Variants in LRRC37A2 observed in about 807,000 individuals in gnomAD.
The protein encoded by LRRC37A2 is leucine rich repeat containing 37 member A2.
LRRC37A2 carries 9 observed loss-of-function variants against 68.8 expected under a neutral mutation model. The observed-to-expected ratio is 0.13, with a 90% CI of 0.08 to 0.23. The LOEUF is 0.23. Among genes scored for constraint, LRRC37A2 ranks in the 10% least tolerant of loss-of-function variants. LRRC37A2 has a pLI of 1.00. For synonymous variants in LRRC37A2, 63 were observed against 367.6 expected (o/e 0.17, Z 9.48); for missense variants, 168 against 950.4 (o/e 0.18, Z 10.82).
the LRRC37A2 span, chr17:46,851,502 G>A: frequency 2.3e-4 from 88 of 385,962 alleles, no homozygotes; most frequent in East Asian, 3.7e-3. The surrounding 1 kb of genome is among the most constrained non-coding windows in gnomAD (Gnocchi z 4.3). Context: ...CGGGGCTGGG[G>A]AGCCTCCCAA....
chr17:46,782,371 C>T, the LRRC37A2 span, among the ~76,000 whole-genome samples: 9 of 152,176 alleles, frequency 5.9e-5, no homozygotes, highest in African/African-American at 1.2e-4. Flanking sequence ...GTGGGGGCCA[C>T]GGTGCTCCTG....
chr17:46,726,424 G>A, the LRRC37A2 span: 1 of 846,784 alleles, frequency 1.2e-6, no homozygotes, highest in Non-Finnish European at 2.0e-6. Flanking sequence ...CTAATTTATT[G>A]TAGTCCAAAG....
the LRRC37A2 span, among the ~76,000 whole-genome samples, chr17:46,999,200 C>A: frequency 6.6e-6 from 1 of 152,228 alleles, no homozygotes; most frequent in Non-Finnish European, 1.5e-5. Context: ...AATCTGGATG[C>A]AAATCCTTGC....
At chr17:46,832,580 C>T in the LRRC37A2 span, among the ~76,000 whole-genome samples, 3 of 151,992 alleles carry the variant, frequency 2.0e-5, no homozygotes, top group East Asian at 5.8e-4. Flanking sequence ...GTGTGTAAGG[C>T]TAGCCTCTGC....
chr17:46,770,097 G>C, the LRRC37A2 span: 1 of 1,493,182 alleles, frequency 6.7e-7, no homozygotes, highest in Admixed American at 2.1e-5. Flanking sequence ...GCCTGGGAGC[G>C]CCTGCCCTGC....
the LRRC37A2 span, chr17:47,027,463 G>A: frequency 1.5e-6 from 1 of 669,282 alleles, no homozygotes; most frequent in Non-Finnish European, 2.7e-6. Flanking sequence ...GATAAAAAAT[G>A]TGTATCCAAT....
chr17:47,034,544 T>C, the LRRC37A2 span, among the ~76,000 whole-genome samples: 13 of 152,110 alleles, frequency 8.5e-5, no homozygotes, highest in South Asian at 4.1e-4. Flanking sequence ...CAAACTTTGC[T>C]AAGTTGTTTG....
At chr17:46,771,723 G>C in the LRRC37A2 span, among the ~76,000 whole-genome samples, 1 of 141,586 alleles carries the variant, frequency 7.1e-6, no homozygotes. Flanking sequence ...CCCCGGCGCC[G>C]GGCCGCGAAA....
chr17:46,598,526 C>A, the LRRC37A2 span, among the ~76,000 whole-genome samples: 1 of 152,222 alleles, frequency 6.6e-6, no homozygotes, highest in African/African-American at 2.4e-5. Context: ...TAGTCGAGGT[C>A]ATCTGTTTGG....
At chr17:47,028,262 T>C in the LRRC37A2 span, 9 of 1,434,506 alleles carry the variant, frequency 6.3e-6, no homozygotes, top group Non-Finnish European at 8.8e-6. Flanking sequence ...CTTTGGCTTG[T>C]GTCTTTTTTT....
At chr17:46,709,022 A>G in the LRRC37A2 span, among the ~76,000 whole-genome samples, 1 of 151,020 alleles carries the variant, frequency 6.6e-6, no homozygotes, top group South Asian at 2.1e-4. Flanking sequence ...ACGAGGTTTC[A>G]CTTTGTTGGC....
At chr17:46,704,786 G>A in the LRRC37A2 span, 6 of 1,605,746 alleles carry the variant, frequency 3.7e-6, no homozygotes, top group Non-Finnish European at 5.1e-6. Context: ...AGTGGACATG[G>A]AGAAAGCAGA....
the LRRC37A2 span, chr17:46,935,223 A>G: frequency 1.9e-6 from 3 of 1,612,440 alleles, no homozygotes; most frequent in African/African-American, 4.0e-5. Context: ...GCCTCATCCA[A>G]CAGTTTAGTA....
At chr17:47,006,069 G>A in the LRRC37A2 span, among the ~76,000 whole-genome samples, 1 of 152,190 alleles carries the variant, frequency 6.6e-6, no homozygotes, top group African/African-American at 2.4e-5. Context: ...CTACTTGGGA[G>A]CCTGAGGCAG....
At chr17:47,029,781 T>C in the LRRC37A2 span, among the ~76,000 whole-genome samples, 1 of 152,072 alleles carries the variant, frequency 6.6e-6, no homozygotes, top group African/African-American at 2.4e-5. Context: ...CTCATAAAAA[T>C]CTGGTGGCCG....
chr17:46,622,774 A>T, the LRRC37A2 span, among the ~76,000 whole-genome samples: 3 of 150,190 alleles, frequency 2.0e-5, no homozygotes, highest in Non-Finnish European at 4.4e-5. Context: ...CTGTGTCAAA[A>T]AACAAAACAA....
the LRRC37A2 span, among the ~76,000 whole-genome samples, chr17:47,011,570 GTT>G: frequency 7.1e-6 from 1 of 140,504 alleles, no homozygotes; most frequent in Non-Finnish European, 1.6e-5. Context: ...AAAAAAAGTT[GTT>G]TTTTTTTTTT....
the LRRC37A2 span, chr17:47,017,092 C>A: frequency 1.7e-5 from 26 of 1,523,914 alleles, no homozygotes; most frequent in Non-Finnish European, 2.2e-5. Context: ...CATAAGAGTG[C>A]CCTGGTGACA....
the LRRC37A2 span, among the ~76,000 whole-genome samples, chr17:46,599,873 T>A: frequency 1.0e-5 from 1 of 96,486 alleles, no homozygotes; most frequent in Admixed American, 1.1e-4. Flanking sequence ...GTCTCAAAAA[T>A]AATAATAATA....
Sources: allele counts gnomAD v4.1 joint callset (sites outside exome capture counted in the v4.1 genomes callset), GRCh38; gene constraint gnomAD v4.1.1; non-coding constraint Gnocchi (gnomAD v3.1); transcripts MANE v1.5; gene names NCBI Gene and HGNC (gene_info 2026-07-23, HGNC 2026-07-21).